The following MTX2 variants were observed in gnomAD, a reference collection of about 807,000 sequenced individuals.
MTX2 encodes metaxin 2.
Under a neutral mutation model 42.3 loss-of-function variants are expected in MTX2, and 35 were observed. That is an observed-to-expected ratio of 0.83 (90% CI 0.63 to 1.10). MTX2 has a LOEUF of 1.10. MTX2 is among the 50% of genes least tolerant of loss of function. The pLI, the probability that MTX2 is intolerant of heterozygous loss-of-function variation, is 0.00. For missense variants in MTX2, 307 were observed against 304.1 expected, an observed-to-expected ratio of 1.01 and a Z score of -0.07; for synonymous variants, 119 against 100.9, an observed-to-expected ratio of 1.18 and a Z score of -1.08.
At chr2:176,313,553 C>T (rs1334654537) in intron 3 of MTX2, among the ~76,000 whole-genome samples, 2 of 151,838 alleles carry the variant, frequency 1.3e-5, no homozygotes, top group Non-Finnish European at 2.9e-5. Context: ...CCACCACCAC[C>T]CAGCTAATTT....
intron 9 of MTX2, among the ~76,000 whole-genome samples, chr2:176,335,916 G>A (rs1460771621): frequency 6.6e-6 from 1 of 152,076 alleles, no homozygotes; most frequent in African/African-American, 2.4e-5. Flanking sequence ...TAGGACCAGA[G>A]ATAAATATTT....
intron 5 of MTX2, among the ~76,000 whole-genome samples, chr2:176,327,458 A>G (rs977545430): frequency 1.3e-5 from 2 of 150,996 alleles, no homozygotes; most frequent in African/African-American, 4.8e-5. Flanking sequence ...TTTTAAAATC[A>G]TAAATATGTT....
At chr2:176,310,513 C>T (rs1684277563) in intron 3 of MTX2, among the ~76,000 whole-genome samples, 2 of 152,140 alleles carry the variant, frequency 1.3e-5, no homozygotes, top group African/African-American at 4.8e-5. Flanking sequence ...TGGTTCCATT[C>T]CCCATCACTT....
intron 9 of MTX2, among the ~76,000 whole-genome samples, chr2:176,337,260 G>T (rs536054436): frequency 2.9e-4 from 44 of 152,106 alleles, no homozygotes; most frequent in African/African-American, 1.0e-3. Context: ...CAGGCTGGTT[G>T]TGAATTCCTG....
chr2:176,285,222 G>A (rs189480967), intron 1 of MTX2, among the ~76,000 whole-genome samples: 1 of 152,130 alleles, frequency 6.6e-6, no homozygotes, highest in Admixed American at 6.6e-5. Flanking sequence ...GTAAAATTGG[G>A]AAAATAATAA....
intron 1 of MTX2, among the ~76,000 whole-genome samples, chr2:176,274,832 T>A (rs1242802481): frequency 6.6e-6 from 1 of 152,214 alleles, no homozygotes; most frequent in Non-Finnish European, 1.5e-5. Context: ...ACTTTAATTA[T>A]ATCAGCAGAA....
In MTX2 at chr2:176,320,352, G is replaced by A. The variant is rs1684552970; in HGVS notation, c.136-3040G>A. Among the ~76,000 whole-genome samples the A allele has an allele frequency of 3.3e-5, 5 of 152,072 alleles. No homozygotes were observed. In the South Asian group the frequency reaches 6.2e-4, roughly 19 times the overall value. On this transcript the variant is annotated intron_variant, in intron 3 of 9. Transcript: ENST00000249442. ...TATTAATTAGCATAGTTACCACTAC[G>A]CATGTAGTTTAGCAAAATATACTAT...
intron 2 of MTX2, among the ~76,000 whole-genome samples, chr2:176,297,457 A>C (rs543756128): frequency 1.3e-4 from 20 of 152,272 alleles, no homozygotes; most frequent in Non-Finnish European, 2.8e-4. Flanking sequence ...CTTTTGTGTG[A>C]CGGACCTAGA....
chr2:176,278,239 C>T (rs187441553), intron 1 of MTX2, among the ~76,000 whole-genome samples: 1,586 of 151,486 alleles, frequency 0.01, 28 homozygotes, highest in African/African-American at 0.037. Context: ...TCAGTAAAGA[C>T]GGGGTTTTAC....
intron 1 of MTX2, among the ~76,000 whole-genome samples, chr2:176,290,700 A>G (rs1693306975): frequency 6.6e-6 from 1 of 150,678 alleles, no homozygotes; most frequent in African/African-American, 2.4e-5. Flanking sequence ...TTGTAGATTC[A>G]TTGCCCAGTT....
At chr2:176,300,681 G>T (rs928902783) in intron 3 of MTX2, among the ~76,000 whole-genome samples, 1 of 152,016 alleles carries the variant, frequency 6.6e-6, no homozygotes, top group Admixed American at 6.6e-5. Context: ...GTCTTTTATA[G>T]AAGATTCCAA....
chr2:176,329,638 A>G (rs1684807282), intron 8 of MTX2, among the ~76,000 whole-genome samples: 1 of 151,200 alleles, frequency 6.6e-6, no homozygotes, highest in Non-Finnish European at 1.5e-5. Flanking sequence ...TAAAAAAGCA[A>G]TAAAACTTGC....
chr2:176,334,817 C>T (rs1469508580), intron 9 of MTX2, among the ~76,000 whole-genome samples: 1 of 151,994 alleles, frequency 6.6e-6, no homozygotes, highest in African/African-American at 2.4e-5. Context: ...ATATATACAG[C>T]ATTGCCTTTG....
chr2:176,285,392 C>T (rs1693173421), intron 1 of MTX2, among the ~76,000 whole-genome samples: 1 of 147,784 alleles, frequency 6.8e-6, no homozygotes. Flanking sequence ...AGTATATTTA[C>T]ATAATTGTGT....
chr2:176,330,951 C>CA (rs1444165977), intron 9 of MTX2, among the ~76,000 whole-genome samples: 1 of 150,666 alleles, frequency 6.6e-6, no homozygotes, highest in Non-Finnish European at 1.5e-5. Flanking sequence ...CATGGAACTA[C>CA]AAAATCTTAA....
chr2:176,284,726 A>G (rs976308252), intron 1 of MTX2, among the ~76,000 whole-genome samples: 1 of 150,146 alleles, frequency 6.7e-6, no homozygotes, highest in African/African-American at 2.4e-5. Context: ...ATGGTCAAAA[A>G]TCTTCTTGAA....
intron 1 of MTX2, among the ~76,000 whole-genome samples, chr2:176,291,445 CA>C (rs1693326341): frequency 6.6e-6 from 1 of 152,100 alleles, no homozygotes; most frequent in African/African-American, 2.4e-5. Flanking sequence ...AAGCAAAAAT[CA>C]GACGTGAATG....
At chr2:176,300,996 A>G (rs946418006) in intron 3 of MTX2, among the ~76,000 whole-genome samples, 1 of 152,172 alleles carries the variant, frequency 6.6e-6, no homozygotes, top group Non-Finnish European at 1.5e-5. Flanking sequence ...TAGTACCTGA[A>G]AACACTAGAG....
chr2:176,334,435 A>C (rs959189771), intron 9 of MTX2, among the ~76,000 whole-genome samples: 4 of 151,906 alleles, frequency 2.6e-5, no homozygotes, highest in Admixed American at 2.6e-4. Flanking sequence ...ATTCTCACCA[A>C]GTGCCTCAGC....
Sources: allele counts gnomAD v4.1 joint callset (sites outside exome capture counted in the v4.1 genomes callset), GRCh38; gene constraint gnomAD v4.1.1; transcripts MANE v1.5; gene names NCBI Gene and HGNC (gene_info 2026-07-23, HGNC 2026-07-21).